ZBTB20: variants seen among roughly 807,000 people sequenced by gnomAD.
ZBTB20 encodes the protein zinc finger and BTB domain-containing protein 20.
ZBTB20 carries 9 observed loss-of-function variants against 56.9 expected under a neutral mutation model. The ratio of observed to expected loss-of-function variants is 0.16; its 90% CI spans 0.10 to 0.28. ZBTB20 has a LOEUF of 0.28. ZBTB20 is among the 10% of genes least tolerant of loss of function. The pLI is 1.00. For missense variants in ZBTB20, 655 were observed against 1,003.0 expected, an observed-to-expected ratio of 0.65 and a Z score of 4.69; for synonymous variants, 417 against 420.7, an observed-to-expected ratio of 0.99 and a Z score of 0.11.
At chr3:114,530,597 G>T (rs573786738) in intron 6 of ZBTB20, among the ~76,000 whole-genome samples, 1 of 152,142 alleles carries the variant, frequency 6.6e-6, no homozygotes, top group Admixed American at 6.5e-5. Context: ...CAAGTGAAGA[G>T]CTAACTTGAG....
At chr3:114,666,170 T>C (rs1209739137) in intron 6 of ZBTB20, among the ~76,000 whole-genome samples, 1 of 151,994 alleles carries the variant, frequency 6.6e-6, no homozygotes, top group Non-Finnish European at 1.5e-5. Context: ...TTTGTCTATT[T>C]CCCTGTGAGA....
chr3:114,679,172 T>A (rs2061815558), intron 6 of ZBTB20, among the ~76,000 whole-genome samples: 2 of 152,048 alleles, frequency 1.3e-5, no homozygotes, highest in African/African-American at 4.8e-5. Flanking sequence ...CCTAAAACCA[T>A]AAAAACCCTA....
chr3:114,417,422 C>T (rs768555626), intron 7 of ZBTB20, among the ~76,000 whole-genome samples: 5 of 152,112 alleles, frequency 3.3e-5, no homozygotes, highest in Admixed American at 1.3e-4. Flanking sequence ...ATTCTGTAAC[C>T]GTCCCTACTA....
intron 3 of ZBTB20, among the ~76,000 whole-genome samples, chr3:114,956,669 G>T (rs1326791839): frequency 2.0e-5 from 3 of 152,124 alleles, no homozygotes; most frequent in African/African-American, 7.2e-5. Context: ...AATATCCTGA[G>T]GATCCAAGAA....
chr3:114,815,260 T>A (rs1279245565), intron 4 of ZBTB20, among the ~76,000 whole-genome samples: 3 of 152,218 alleles, frequency 2.0e-5, no homozygotes, highest in Non-Finnish European at 4.4e-5. Flanking sequence ...TATCTACAGG[T>A]AGGCTATACA....
At chr3:114,580,098 TCCCCA>T (rs2054496667) in intron 6 of ZBTB20, among the ~76,000 whole-genome samples, 1 of 151,596 alleles carries the variant, frequency 6.6e-6, no homozygotes, top group Admixed American at 6.6e-5. Flanking sequence ...AAGATTGATC[TCCCCA>T]TGTAAACATA....
At chr3:114,984,750 G>A (rs907978144) in intron 2 of ZBTB20, among the ~76,000 whole-genome samples, 1 of 151,940 alleles carries the variant, frequency 6.6e-6, no homozygotes, top group African/African-American at 2.4e-5. Flanking sequence ...CTAATCAATT[G>A]AGTACCTAAG....
chr3:114,614,903 G>A (rs971587622), intron 6 of ZBTB20, among the ~76,000 whole-genome samples: 1 of 152,048 alleles, frequency 6.6e-6, no homozygotes, highest in African/African-American at 2.4e-5. Flanking sequence ...GATTATAGGT[G>A]TGTGCCACCA....
In ZBTB20 at chr3:114,798,576, T is replaced by C. The variant is rs545056483; in HGVS notation, c.-343+2525A>G. On this transcript the variant is annotated intron_variant, in intron 5 of 11. Coordinates refer to ENST00000675478, the MANE Select transcript of ZBTB20 (RefSeq NM_001348800.3). ...AGATAGACTATCACGTCTAGGTCTC[T>C]AAGGATGATCTGCGATGGTGGTCAA... Among the ~76,000 whole-genome samples, 4 of 151,968 alleles carry C rather than the reference T, an allele frequency of 2.6e-5. 1 individual carries two copies. In the South Asian group the frequency reaches 8.3e-4, roughly 32 times the overall value.
At chr3:114,683,976 A>C (rs530835291) in intron 6 of ZBTB20, among the ~76,000 whole-genome samples, 2 of 152,250 alleles carry the variant, frequency 1.3e-5, no homozygotes, top group South Asian at 4.1e-4. Flanking sequence ...TGCATCCTTT[A>C]AAGTATGATC....
intron 7 of ZBTB20, among the ~76,000 whole-genome samples, chr3:114,472,656 C>T (rs377055529): frequency 2.3e-4 from 35 of 151,816 alleles, no homozygotes; most frequent in East Asian, 9.7e-4. Flanking sequence ...TGCAGTGAGC[C>T]GAGATTGTGC....
At chr3:115,063,219 A>G (rs945130458) in intron 2 of ZBTB20, among the ~76,000 whole-genome samples, 5 of 152,210 alleles carry the variant, frequency 3.3e-5, no homozygotes, top group Non-Finnish European at 5.9e-5. Context: ...TCAAAGTCCA[A>G]AATACTTGGT....
chr3:114,806,262 C>A (rs2072095861), intron 4 of ZBTB20, among the ~76,000 whole-genome samples: 1 of 151,926 alleles, frequency 6.6e-6, no homozygotes, highest in Non-Finnish European at 1.5e-5. Flanking sequence ...TTGTTACTAT[C>A]TGTCTTTATT....
chr3:114,438,300 T>C (rs1471038368), intron 7 of ZBTB20, among the ~76,000 whole-genome samples: 2 of 151,854 alleles, frequency 1.3e-5, no homozygotes, highest in African/African-American at 4.8e-5. Context: ...ATCTTAATGT[T>C]AGGTGCTCAT....
At chr3:114,909,391 A>C (rs2075440865) in intron 3 of ZBTB20, among the ~76,000 whole-genome samples, 1 of 152,076 alleles carries the variant, frequency 6.6e-6, no homozygotes, top group African/African-American at 2.4e-5. Context: ...CAAAAAGTTA[A>C]AAAATATGTT....
intron 1 of ZBTB20, among the ~76,000 whole-genome samples, chr3:115,134,587 T>C (rs961751944): frequency 3.9e-5 from 6 of 152,162 alleles, no homozygotes; most frequent in African/African-American, 1.2e-4. Context: ...GTGACTATGC[T>C]CTCCCACAAA....
At chr3:114,487,976 T>C (rs2042323133) in intron 7 of ZBTB20, among the ~76,000 whole-genome samples, 1 of 152,226 alleles carries the variant, frequency 6.6e-6, no homozygotes, top group Non-Finnish European at 1.5e-5. Context: ...TGCCAGTGTG[T>C]ATTTTTCCCT....
At chr3:114,997,542 A>C (rs766027994) in intron 2 of ZBTB20, among the ~76,000 whole-genome samples, 6 of 151,764 alleles carry the variant, frequency 4.0e-5, no homozygotes, top group Non-Finnish European at 5.9e-5. Context: ...AATGTTAGGA[A>C]AGAGTTTTCT....
intron 6 of ZBTB20, among the ~76,000 whole-genome samples, chr3:114,670,055 A>AT (rs2061276980): frequency 2.6e-5 from 4 of 152,034 alleles, no homozygotes; most frequent in Admixed American, 1.3e-4. Flanking sequence ...GTGACATTTT[A>AT]TTTTTTTAAG....
Sources: allele counts gnomAD v4.1 joint callset (sites outside exome capture counted in the v4.1 genomes callset), GRCh38; gene constraint gnomAD v4.1.1; transcripts MANE v1.5; gene names NCBI Gene and HGNC (gene_info 2026-07-23, HGNC 2026-07-21).